The following WASF2 variants were observed in gnomAD, a reference collection of about 807,000 sequenced individuals.
WASF2 encodes actin-binding protein WASF2.
Under a neutral mutation model 45.0 loss-of-function variants are expected in WASF2, and 14 were observed. The observed-to-expected ratio is 0.31, with a 90% CI of 0.21 to 0.49. The LOEUF is 0.49. Among genes scored for constraint, WASF2 ranks in the 20% least tolerant of loss-of-function variants. The probability of loss-of-function intolerance (pLI) is 0.99; values close to 1 mark genes in which losing one functional copy is unlikely to be tolerated. For synonymous variants in WASF2, 200 were observed against 236.3 expected (o/e 0.85, Z 1.41); for missense variants, 439 against 636.1 (o/e 0.69, Z 3.33).
chr1:27,446,317 C>A (rs1399368249), intron 1 of WASF2, among the ~76,000 whole-genome samples: 1 of 152,042 alleles, frequency 6.6e-6, no homozygotes, highest in African/African-American at 2.4e-5. Flanking sequence ...ACAGGGACCG[C>A]AAAGAGGGGC....
At chr1:27,481,537 A>G (rs180859029) in intron 1 of WASF2, among the ~76,000 whole-genome samples, 5 of 152,162 alleles carry the variant, frequency 3.3e-5, no homozygotes, top group Admixed American at 2.6e-4. Context: ...CGTCTCTACT[A>G]AAAATACAAA....
At chr1:27,486,306 A>G (rs1270731705) in intron 1 of WASF2, among the ~76,000 whole-genome samples, 3 of 152,212 alleles carry the variant, frequency 2.0e-5, no homozygotes, top group Non-Finnish European at 4.4e-5. Flanking sequence ...AAATTTTTAA[A>G]TTCAGATATA....
At chr1:27,450,721 A>G (rs1045603013) in intron 1 of WASF2, among the ~76,000 whole-genome samples, 5 of 151,264 alleles carry the variant, frequency 3.3e-5, no homozygotes, top group African/African-American at 1.2e-4. Flanking sequence ...CTGGTCTCGA[A>G]CTCCTGACCT....
rs1243909344 is a variant in WASF2, at chr1:27,474,540, G to A, written c.-44+15446C>T. Among the ~76,000 whole-genome samples, 3 of 152,020 alleles carry A rather than the reference G, an allele frequency of 2.0e-5. No homozygotes were observed. In the East Asian group the frequency reaches 5.8e-4, roughly 29 times the overall value. ...TAATCCCAGCACTTTGGGAGGCTGA[G>A]GTGGGCGGATCACGAGGTCACAAGA... On this transcript the variant is annotated intron_variant, in intron 1 of 8. Coordinates refer to ENST00000618852, the MANE Select transcript of WASF2 (RefSeq NM_006990.5).
At chr1:27,463,730 T>TTGAATCTCTTG (rs2017578914) in intron 1 of WASF2, among the ~76,000 whole-genome samples, 1 of 151,446 alleles carries the variant, frequency 6.6e-6, no homozygotes, top group East Asian at 1.9e-4. Context: ...GACAGACAAC[T>TTGAATCTCTTG]TGAATCTCTT....
intron 1 of WASF2, among the ~76,000 whole-genome samples, chr1:27,480,852 C>CA (rs1260954463): frequency 3.3e-5 from 5 of 151,650 alleles, no homozygotes; most frequent in African/African-American, 1.2e-4. Context: ...ACTAAAAATA[C>CA]AAAAAAATTA....
rs149051394 is a variant in WASF2, at chr1:27,409,993, C to A, written c.1038G>T (p.Thr346=). Residue 346 remains threonine, a synonymous_variant, in exon 8 of 9, where the codon ACG becomes ACT. Coordinates refer to ENST00000618852, the MANE Select transcript of WASF2 (RefSeq NM_006990.5). ...AAGATGGGGGTGAGGGTGGTGGAGG[C>A]GTCCCTGGAGACCCAAATCCTACAG... The part of the protein sequence containing the change: ...PPPVGFGSPG[T]PPPPSPPSFP... 9.9e-6 allele frequency: 16 copies of A among 1,612,928 alleles called. No homozygotes were observed. Among genetic ancestry groups the A allele is most frequent in the Middle Eastern group, 1.7e-4 (1 of 5,992 alleles).
chr1:27,449,107 C>T (rs1571144771), intron 1 of WASF2, among the ~76,000 whole-genome samples: 1 of 152,258 alleles, frequency 6.6e-6, no homozygotes, highest in East Asian at 1.9e-4. Context: ...AGGAAGCTGG[C>T]GTCCCCTCTT....
At chr1:27,413,651 A>T (rs2016793350) in intron 6 of WASF2, among the ~76,000 whole-genome samples, 1 of 152,222 alleles carries the variant, frequency 6.6e-6, no homozygotes, top group African/African-American at 2.4e-5. Flanking sequence ...CCCCAACTCC[A>T]AACCGCCTGG....
intron 1 of WASF2, chr1:27,457,177 C>G (rs1268812852): frequency 1.3e-5 from 2 of 152,104 alleles, no homozygotes; most frequent in Non-Finnish European, 2.9e-5. Flanking sequence ...CACGTCAGAC[C>G]AGGTTTTCTA....
intron 1 of WASF2, among the ~76,000 whole-genome samples, chr1:27,476,882 A>G (rs1195219124): frequency 1.3e-5 from 2 of 152,240 alleles, no homozygotes; most frequent in Non-Finnish European, 2.9e-5. Context: ...TGTGAAAAAC[A>G]GCTTCCATGT....
intron 1 of WASF2, among the ~76,000 whole-genome samples, chr1:27,459,825 T>C (rs2017520789): frequency 6.6e-6 from 1 of 152,182 alleles, no homozygotes; most frequent in South Asian, 2.1e-4. Context: ...ATACATACTG[T>C]ATAAGGAAGC....
intron 1 of WASF2, 71 bp from the exon 2 acceptor site, chr1:27,429,004 T>TC: frequency 1.1e-5 from 9 of 827,016 alleles, no homozygotes; most frequent in Admixed American, 4.4e-5. Flanking sequence ...TGTGAATCTT[T>TC]TTTTTTTTTT....
intron 2 of WASF2, among the ~76,000 whole-genome samples, chr1:27,421,706 C>G (rs1460501213): frequency 6.6e-6 from 1 of 152,126 alleles, no homozygotes; most frequent in Admixed American, 6.5e-5. Context: ...ATCCCAGCTA[C>G]TCAGGAGGCT....
chr1:27,481,348 A>G (rs1447780880), intron 1 of WASF2, among the ~76,000 whole-genome samples: 1 of 151,786 alleles, frequency 6.6e-6, no homozygotes, highest in African/African-American at 2.4e-5. Flanking sequence ...TGTTCACTCA[A>G]ATTGGAAATG....
intron 8 of WASF2, 127 bp downstream of exon 8, chr1:27,409,565 C>A (rs1234189418): frequency 7.0e-6 from 9 of 1,286,898 alleles, no homozygotes; most frequent in Non-Finnish European, 8.9e-6. Flanking sequence ...ATGTCCCAAT[C>A]TCTCCCCACC....
chr1:27,460,844 T>C (rs941312918), intron 1 of WASF2, among the ~76,000 whole-genome samples: 6 of 152,168 alleles, frequency 3.9e-5, no homozygotes, highest in African/African-American at 1.4e-4. Context: ...TGTATAACCT[T>C]AGAAAAGTTT....
intron 1 of WASF2, among the ~76,000 whole-genome samples, chr1:27,443,835 G>C (rs1481551262): frequency 1.3e-5 from 2 of 150,952 alleles, no homozygotes; most frequent in Non-Finnish European, 3.0e-5. Context: ...CTGGAGTGCA[G>C]GGGGGGGTGA....
rs2016805583 is a variant in WASF2 at position 27,414,744 on chromosome 1, G to T, written c.668+89C>A. ...CTAAGCCACAGAGACAGACTTCAGG[G>T]GGTGTGAAAGGTGTCACACCAGAGC... On this transcript the variant is annotated intron_variant, in intron 6 of 8. Transcript: ENST00000618852. The surrounding 1 kb of genome is among the most constrained non-coding windows in gnomAD (Gnocchi z 4.1). The T allele has an allele frequency of 3.3e-6, 5 of 1,497,788 alleles. No homozygotes were observed. Among genetic ancestry groups the T allele is most frequent in the African/African-American group, 1.4e-5 (1 of 71,636 alleles). 92.8% of individuals were successfully genotyped at this position (1,497,788 alleles called of 1,614,324 possible).
Sources: allele counts gnomAD v4.1 joint callset (sites outside exome capture counted in the v4.1 genomes callset), GRCh38; gene constraint gnomAD v4.1.1; non-coding constraint Gnocchi (gnomAD v3.1); transcripts MANE v1.5; gene names NCBI Gene and HGNC (gene_info 2026-07-23, HGNC 2026-07-21).